ODAD3: variants seen among roughly 807,000 people sequenced by gnomAD.
ODAD3 encodes outer dynein arm docking complex subunit 3.
Under a neutral mutation model 70.9 loss-of-function variants are expected in ODAD3, and 57 were observed. That is an observed-to-expected ratio of 0.80 (90% CI 0.65 to 1.00). The LOEUF is 1.00. Among genes scored for constraint, ODAD3 ranks in the 50% least tolerant of loss-of-function variants. The pLI is 0.00. For missense variants in ODAD3, 797 were observed against 763.9 expected (o/e 1.04, Z -0.51); for synonymous variants, 327 against 315.9 (o/e 1.04, Z -0.37).
chr19:11,425,597 A>ATATATGTATGTATATGTG (rs1188374676), intron 7 of ODAD3, among the ~76,000 whole-genome samples: 184 of 138,256 alleles, frequency 1.3e-3, no homozygotes, highest in African/African-American at 5.4e-3. Flanking sequence ...GTATATGTGT[A>ATATATGTATGTATATGTG]TATATGTGTG....
At chr19:11,429,404 A>AT (rs1969456956) in intron 3 of ODAD3, among the ~76,000 whole-genome samples, 1 of 148,766 alleles carries the variant, frequency 6.7e-6, no homozygotes, top group South Asian at 2.1e-4. Flanking sequence ...TTTTTATTTT[A>AT]TTTTTTATTT....
rs61739937 is a variant in ODAD3, at chr19:11,426,186, G to A, written c.921C>T (p.Arg307=). The stretch of plus-strand genomic sequence containing the variant: ...CGTTCTCCAGTTTCTTCTCCTCGGC[G>A]CGCTTCTTGCACTCACTTATGTAGC... The part of the protein sequence containing the change: ...RERYISECKK[R]AEEKKLENER... The change falls in exon 7 of 13, where the codon CGC becomes CGT. Residue 307 remains arginine, a synonymous_variant. Transcript: ENST00000356392. The A allele has an allele frequency of 4.8e-3, 7,665 of 1,613,276 alleles. 320 individuals are homozygous for A. In the African/African-American group the frequency reaches 0.087, roughly 18 times the overall value.
At chr19:11,428,353 C>T (rs1170732769) in intron 3 of ODAD3, among the ~76,000 whole-genome samples, 4 of 152,026 alleles carry the variant, frequency 2.6e-5, no homozygotes, top group African/African-American at 7.2e-5. Context: ...GTGATCCTTC[C>T]TCCTCAGCGT....
In ODAD3 at chr19:11,424,112, G is replaced by A. The variant is rs1369637999; in HGVS notation, c.964-83C>T. 4.6e-6 allele frequency: 7 copies of A among 1,506,468 alleles called. No individual in the cohort carries two copies. In the African/African-American group the frequency reaches 5.5e-5, roughly 12 times the overall value. The allele number at this position is 1,506,468 out of a possible 1,614,324, so 93.3% of individuals were successfully genotyped here. A position where few individuals can be genotyped will look rare whatever the true frequency, so the allele number is the denominator to read the frequency against. On this transcript the variant is annotated intron_variant, in intron 7 of 12. Coordinates refer to ENST00000356392, the MANE Select transcript of ODAD3 (RefSeq NM_145045.5). ...GGCCGGGGAGGGGGATCCAGATAGG[G>A]GCCCGCGAGGAACAGGGCTCAAACT...
chr19:11,421,089 G>A (rs1568345904), intron 12 of ODAD3, 39 bp downstream of exon 12: 2 of 1,607,140 alleles, frequency 1.2e-6, no homozygotes, highest in Non-Finnish European at 8.5e-7. Flanking sequence ...CCAGCTTGGG[G>A]CCCCAACCGC....
rs1599453142 is a variant in ODAD3, at chr19:11,422,793, G to A, written c.1185C>T (p.Asn395=). 6.2e-7 allele frequency: 1 copy of A among 1,610,592 alleles called. No homozygotes were observed. Among genetic ancestry groups the A allele is most frequent in the Non-Finnish European group, 8.5e-7 (1 of 1,179,908 alleles). ...FAQLETLKSE[N]EQTLVRLKQE... is the part of the protein sequence containing the mutation. ...GCTTCAGCCTCACCAACGTCTGCTC[G>A]TTCTCGCTCTTGAGCGTCTCCAACT... Residue 395 remains asparagine (N), a synonymous_variant, in exon 9 of 13, where the codon AAC becomes AAT. Coordinates refer to ENST00000356392, the MANE Select transcript of ODAD3 (RefSeq NM_145045.5). The surrounding 1 kb of genome is among the most constrained non-coding windows in gnomAD (Gnocchi z 4.6).
intron 3 of ODAD3, 82 bp from the exon 4 acceptor site, chr19:11,427,122 C>A: frequency 7.1e-7 from 1 of 1,409,360 alleles, no homozygotes; most frequent in South Asian, 1.5e-5. Context: ...TTCCTTCTCC[C>A]ACACTGTGGC....
At chr19:11,424,481 T>C (rs1476022046) in intron 7 of ODAD3, among the ~76,000 whole-genome samples, 2 of 146,804 alleles carry the variant, frequency 1.4e-5, no homozygotes, top group South Asian at 2.1e-4. Context: ...AGACCGTGTC[T>C]CAAAAAAAAA....
At chr19:11,433,536 T>C (rs1304666827) in intron 1 of ODAD3, among the ~76,000 whole-genome samples, 1 of 152,214 alleles carries the variant, frequency 6.6e-6, no homozygotes, top group Non-Finnish European at 1.5e-5. Context: ...ATTTCACACA[T>C]CGAGAAACTG....
intron 3 of ODAD3, among the ~76,000 whole-genome samples, chr19:11,430,159 C>T (rs537744661): frequency 1.6e-4 from 25 of 151,856 alleles, no homozygotes; most frequent in African/African-American, 5.3e-4. Flanking sequence ...TTTTTTGAGA[C>T]GGAGTTTCGC....
At chr19:11,427,336 C>T (rs1047740864) in intron 3 of ODAD3, among the ~76,000 whole-genome samples, 1 of 151,426 alleles carries the variant, frequency 6.6e-6, no homozygotes, top group African/African-American at 2.4e-5. Context: ...GCTCTGACAC[C>T]CAGGCTGGAG....
chr19:11,426,353 C>A lies in ODAD3; in HGVS notation c.841-87G>T, dbSNP rs570666595. ...GCTGGGAGATAGATGGGGGCGGGGG[C>A]GTAGGGGAAGCTCAGGGACAGCTGA... is the stretch of plus-strand genomic sequence containing the variant. On this transcript the variant is annotated intron_variant, in intron 6 of 12. Coordinates refer to ENST00000356392, the MANE Select transcript of ODAD3 (RefSeq NM_145045.5). The A allele has an allele frequency of 3.1e-6, 5 of 1,606,200 alleles. No homozygotes were observed. The African/African-American group carries it at 5.3e-5, about 17-fold the overall frequency.
At chr19:11,427,187 G>T in intron 3 of ODAD3, 147 bp from the exon 4 acceptor site, 1 of 851,054 alleles carries the variant, frequency 1.2e-6, no homozygotes. Flanking sequence ...CCCCTTCTGT[G>T]TTGTTTTTGT....
chr19:11,423,784 A>C, intron 8 of ODAD3, 93 bp downstream of exon 8: 1 of 1,301,062 alleles, frequency 7.7e-7, no homozygotes, highest in Non-Finnish European at 1.0e-6. Context: ...GAGAGGGGAG[A>C]CAGGGTGTGT....
chr19:11,428,858 A>G (rs926717018), intron 3 of ODAD3, among the ~76,000 whole-genome samples: 30 of 143,124 alleles, frequency 2.1e-4, no homozygotes, highest in Non-Finnish European at 3.5e-4. Context: ...ACTGTGTTTT[A>G]TTTTTTATTT....
At chr19:11,425,642 T>TAC (rs1969348242) in intron 7 of ODAD3, among the ~76,000 whole-genome samples, 1 of 133,738 alleles carries the variant, frequency 7.5e-6, no homozygotes, top group African/African-American at 3.6e-5. Flanking sequence ...TGTATATATA[T>TAC]GTATATACGT....
chr19:11,425,573 A>ATG (rs1283232571), intron 7 of ODAD3, among the ~76,000 whole-genome samples: 6 of 126,386 alleles, frequency 4.7e-5, no homozygotes, highest in African/African-American at 2.6e-4. Flanking sequence ...GTGTGTATGT[A>ATG]TGTATATATG....
chr19:11,432,189 C>T (rs774946063), intron 1 of ODAD3, among the ~76,000 whole-genome samples: 20 of 152,196 alleles, frequency 1.3e-4, no homozygotes, highest in Admixed American at 2.6e-4. Flanking sequence ...GTGGAACCTG[C>T]AGATACAAAC....
At position 11,426,930 on chromosome 19, in the gene ODAD3, G is replaced by A; in HGVS notation, c.555C>T (p.His185=). The A allele has an allele frequency of 2.5e-6, 4 of 1,610,336 alleles. No individual in the cohort carries two copies. The highest frequency in any genetic ancestry group is 1.7e-5 in the Admixed American group (1 of 59,972). The change falls in exon 4 of 13, where the codon CAC becomes CAT. Residue 185 remains histidine, a synonymous_variant. Coordinates refer to ENST00000356392, the MANE Select transcript of ODAD3 (RefSeq NM_145045.5). ...QRRLEELQLQ[H]SLRLLEMAEA... The stretch of plus-strand genomic sequence containing the variant: ...CCGCCATCTCCAGAAGGCGCAGGCT[G>A]TGCTGCAGCTGGAGCTCCTCCAGCC...
Sources: allele counts gnomAD v4.1 joint callset (sites outside exome capture counted in the v4.1 genomes callset), GRCh38; gene constraint gnomAD v4.1.1; non-coding constraint Gnocchi (gnomAD v3.1); transcripts MANE v1.5; gene names NCBI Gene and HGNC (gene_info 2026-07-23, HGNC 2026-07-21).